The following CCDC85A variants were observed in gnomAD, a reference collection of about 807,000 sequenced individuals.
CCDC85A encodes coiled-coil domain containing 85A.
CCDC85A carries 38 observed loss-of-function variants against 50.2 expected under a neutral mutation model. That is an observed-to-expected ratio of 0.76 (90% CI 0.58 to 0.99). The LOEUF is 0.99. CCDC85A is among the 50% of genes least tolerant of loss of function. The pLI, the probability that CCDC85A is intolerant of heterozygous loss-of-function variation, is 0.00. For synonymous variants in CCDC85A, 366 were observed against 301.4 expected (o/e 1.21, Z -2.22); for missense variants, 820 against 742.0 (o/e 1.11, Z -1.22).
chr2:56,204,521 A>G (rs148288068), intron 2 of CCDC85A, among the ~76,000 whole-genome samples: 267 of 152,324 alleles, frequency 1.8e-3, no homozygotes, highest in African/African-American at 6.2e-3. Context: ...CGGAAACCAC[A>G]GTCCATGCTG....
At chr2:56,264,157 A>G (rs1010938606) in intron 2 of CCDC85A, among the ~76,000 whole-genome samples, 2 of 152,124 alleles carry the variant, frequency 1.3e-5, no homozygotes, top group African/African-American at 2.4e-5. Flanking sequence ...GTCTCATGCC[A>G]TGCATCTAAT....
chr2:56,199,550 A>T lies in CCDC85A; in HGVS notation c.1240+6110A>T, dbSNP rs1373833763. 2.6e-5 allele frequency among the ~76,000 whole-genome samples: 4 copies of T among 152,056 alleles called. No homozygotes were observed. In the East Asian group the frequency reaches 7.7e-4, roughly 29 times the overall value. On this transcript the variant is annotated intron_variant, in intron 2 of 5. Transcript: ENST00000407595. ...ATAGAACTGTGGATTCCTTCATTAAATGGCCCTGTATGAGTATTCTTTTTT... is the reference window on the plus strand; with the variant it reads ...ATAGAACTGTGGATTCCTTCATTAATTGGCCCTGTATGAGTATTCTTTTTT...
chr2:56,364,367 A>G (rs554077962), intron 3 of CCDC85A, among the ~76,000 whole-genome samples: 2 of 152,220 alleles, frequency 1.3e-5, no homozygotes, highest in East Asian at 3.9e-4. Flanking sequence ...TGTATCTGTA[A>G]GTTTCACCTG....
intron 3 of CCDC85A, among the ~76,000 whole-genome samples, chr2:56,346,359 G>C (rs951812814): frequency 6.6e-6 from 1 of 152,066 alleles, no homozygotes; most frequent in African/African-American, 2.4e-5. Context: ...ATAAAGGCTT[G>C]GGCCCATGTT....
intron 2 of CCDC85A, among the ~76,000 whole-genome samples, chr2:56,292,997 G>A (rs1198311368): frequency 1.3e-5 from 2 of 152,144 alleles, no homozygotes; most frequent in African/African-American, 2.4e-5. Flanking sequence ...TCCATGTCAT[G>A]GCACACATAG....
chr2:56,346,794 C>T (rs1674653498), intron 3 of CCDC85A, among the ~76,000 whole-genome samples: 1 of 152,216 alleles, frequency 6.6e-6, no homozygotes, highest in South Asian at 2.1e-4. Context: ...ACATTTTTTA[C>T]AGATCACAGT....
At chr2:56,236,969 G>A (rs537236376) in intron 2 of CCDC85A, among the ~76,000 whole-genome samples, 3 of 152,146 alleles carry the variant, frequency 2.0e-5, no homozygotes, top group East Asian at 1.9e-4. Flanking sequence ...TTTCTGTCTC[G>A]TCCAGCTTTT....
At chr2:56,346,347 A>T (rs1424843190) in intron 3 of CCDC85A, among the ~76,000 whole-genome samples, 1 of 152,206 alleles carries the variant, frequency 6.6e-6, no homozygotes, top group South Asian at 2.1e-4. Context: ...GCTCAGGGGT[A>T]AATAAAGGCT....
chr2:56,286,429 A>G (rs183914708), intron 2 of CCDC85A, among the ~76,000 whole-genome samples: 4 of 152,042 alleles, frequency 2.6e-5, no homozygotes, highest in Non-Finnish European at 5.9e-5. Flanking sequence ...GCTTTCATCT[A>G]TGTTCTTCAA....
chr2:56,381,644 C>T (rs1676590703), intron 5 of CCDC85A, among the ~76,000 whole-genome samples: 2 of 152,040 alleles, frequency 1.3e-5, no homozygotes, highest in South Asian at 2.1e-4. Flanking sequence ...GAGGACCTTT[C>T]CTGAGGAACA....
At chr2:56,279,981 C>T (rs1408541963) in intron 2 of CCDC85A, among the ~76,000 whole-genome samples, 5 of 152,088 alleles carry the variant, frequency 3.3e-5, no homozygotes, top group Admixed American at 3.3e-4. Flanking sequence ...AGCAAAATTG[C>T]CTAATCCTTA....
chr2:56,316,721 A>T (rs915334590), intron 2 of CCDC85A, among the ~76,000 whole-genome samples: 1 of 152,106 alleles, frequency 6.6e-6, no homozygotes, highest in Non-Finnish European at 1.5e-5. Context: ...AAGGATTTTT[A>T]TTTTTGTACA....
intron 2 of CCDC85A, among the ~76,000 whole-genome samples, chr2:56,193,659 G>A (rs534996031): frequency 2.0e-5 from 3 of 152,270 alleles, no homozygotes; most frequent in Non-Finnish European, 2.9e-5. Flanking sequence ...GAAGTTTGGG[G>A]ATGAGGGTTT....
intron 3 of CCDC85A, among the ~76,000 whole-genome samples, chr2:56,344,325 G>A (rs1171937712): frequency 6.6e-6 from 1 of 152,254 alleles, no homozygotes; most frequent in South Asian, 2.1e-4. Flanking sequence ...TCTGATCATC[G>A]AGATGGCCAT....
intron 2 of CCDC85A, among the ~76,000 whole-genome samples, chr2:56,239,878 T>A (rs1669179387): frequency 6.6e-6 from 1 of 152,172 alleles, no homozygotes; most frequent in Admixed American, 6.5e-5. Context: ...AGATCTTTTT[T>A]CAACTTGTCA....
At chr2:56,249,810 G>A (rs1669675375) in intron 2 of CCDC85A, among the ~76,000 whole-genome samples, 1 of 152,122 alleles carries the variant, frequency 6.6e-6, no homozygotes, top group South Asian at 2.1e-4. Flanking sequence ...GTCTACACCT[G>A]GGCCCTGGGG....
chr2:56,238,735 G>A (rs145050635), intron 2 of CCDC85A, among the ~76,000 whole-genome samples: 204 of 152,110 alleles, frequency 1.3e-3, no homozygotes, highest in African/African-American at 4.1e-3. Flanking sequence ...TCTACTATAA[G>A]ACCACTATAT....
chr2:56,261,647 T>A (rs1670224667), intron 2 of CCDC85A, among the ~76,000 whole-genome samples: 1 of 152,186 alleles, frequency 6.6e-6, no homozygotes, highest in Admixed American at 6.5e-5. Context: ...GGACTTACCA[T>A]CTGATGAAAT....
chr2:56,209,874 G>A (rs1423811501), intron 2 of CCDC85A, among the ~76,000 whole-genome samples: 2 of 151,994 alleles, frequency 1.3e-5, no homozygotes, highest in African/African-American at 4.8e-5. Flanking sequence ...TTCCAGGCAT[G>A]CCACTTGAGC....
Sources: allele counts gnomAD v4.1 joint callset (sites outside exome capture counted in the v4.1 genomes callset), GRCh38; gene constraint gnomAD v4.1.1; transcripts MANE v1.5; gene names NCBI Gene and HGNC (gene_info 2026-07-23, HGNC 2026-07-21).